The following LAMA2 variants were observed in gnomAD, a reference collection of about 807,000 sequenced individuals.
LAMA2 encodes laminin subunit alpha-2.
In LAMA2, 269 loss-of-function variants were observed where a neutral mutation model predicts 364.8. The observed-to-expected ratio is 0.74, with a 90% CI of 0.67 to 0.82. The LOEUF (loss-of-function observed/expected upper bound fraction) is 0.82. Ranked by LOEUF, LAMA2 falls within the 40% of genes least tolerant of loss-of-function variation. The pLI is 0.00. For missense variants in LAMA2, 3,807 were observed against 3,873.2 expected, an observed-to-expected ratio of 0.98 and a Z score of 0.45; for synonymous variants, 1,379 against 1,370.6, an observed-to-expected ratio of 1.01 and a Z score of -0.14.
At chr6:129,427,885 C>A in intron 41 of LAMA2, 31 bp downstream of exon 41, 1 of 1,327,300 alleles carries the variant, frequency 7.5e-7, no homozygotes, top group African/African-American at 1.4e-5. Context: ...TATTATATTC[C>A]AGTTAATCGG....
intron 40 of LAMA2, among the ~76,000 whole-genome samples, chr6:129,425,557 A>ATT (rs1241998673): frequency 1.3e-5 from 2 of 151,686 alleles, no homozygotes; most frequent in African/African-American, 4.9e-5. Flanking sequence ...CCCAATAGTT[A>ATT]TTTTTCTCTG....
intron 1 of LAMA2, among the ~76,000 whole-genome samples, chr6:128,930,881 G>A (rs1779429752): frequency 6.6e-6 from 1 of 152,008 alleles, no homozygotes. Flanking sequence ...AACACCCACG[G>A]TTTCCCTACG....
chr6:129,067,712 T>C (rs62423274), intron 3 of LAMA2, among the ~76,000 whole-genome samples: 2 of 152,222 alleles, frequency 1.3e-5, no homozygotes, highest in Admixed American at 6.5e-5. Context: ...CTGATCTCTC[T>C]TCCTCAGTTG....
At chr6:129,504,526 G>A (rs1310757198) in intron 60 of LAMA2, among the ~76,000 whole-genome samples, 1 of 152,156 alleles carries the variant, frequency 6.6e-6, no homozygotes. Flanking sequence ...GCATTTCACA[G>A]GCTTTCATGC....
intron 37 of LAMA2, among the ~76,000 whole-genome samples, chr6:129,394,138 C>T (rs568104823): frequency 6.6e-6 from 1 of 152,282 alleles, no homozygotes; most frequent in Non-Finnish European, 1.5e-5. Context: ...CAGCAGCACC[C>T]TGTATGTGAT....
chr6:129,476,351 C>A (rs1337156063), intron 53 of LAMA2, among the ~76,000 whole-genome samples: 1 of 152,086 alleles, frequency 6.6e-6, no homozygotes, highest in East Asian at 1.9e-4. Flanking sequence ...GTTGTAAGAC[C>A]ACTAGTTGTG....
At chr6:128,908,813 C>T (rs555088987) in intron 1 of LAMA2, among the ~76,000 whole-genome samples, 1 of 149,790 alleles carries the variant, frequency 6.7e-6, no homozygotes. Flanking sequence ...TTGAATGTGT[C>T]CCAGAGATTC....
chr6:129,196,393 C>T (rs1257057326), intron 12 of LAMA2, among the ~76,000 whole-genome samples: 1 of 150,248 alleles, frequency 6.7e-6, no homozygotes, highest in Non-Finnish European at 1.5e-5. Context: ...AGAAGCTCAA[C>T]AAATACCTTG....
At chr6:129,129,749 C>T (rs974937132) in intron 4 of LAMA2, among the ~76,000 whole-genome samples, 1 of 151,482 alleles carries the variant, frequency 6.6e-6, no homozygotes, top group African/African-American at 2.4e-5. Context: ...ACGGTGAAAC[C>T]CCGTCTCTAC....
chr6:129,300,643 A>C, intron 21 of LAMA2, 93 bp from the exon 22 acceptor site: 1 of 1,343,100 alleles, frequency 7.4e-7, no homozygotes, highest in Admixed American at 1.7e-5. Flanking sequence ...TGAAAAGAAA[A>C]TAAGACAAAC....
chr6:129,298,799 A>G (rs1773365309), intron 21 of LAMA2, among the ~76,000 whole-genome samples: 1 of 152,048 alleles, frequency 6.6e-6, no homozygotes. Flanking sequence ...TTTACCATAA[A>G]TTAAGCCATG....
intron 41 of LAMA2, chr6:129,436,880 T>C (rs1200173967): frequency 6.6e-6 from 1 of 152,160 alleles, no homozygotes; most frequent in Non-Finnish European, 1.5e-5. Flanking sequence ...TCCTTAAAAA[T>C]ATGGAACACT....
chr6:129,401,324 T>C lies in LAMA2; in HGVS notation c.5546T>C (p.Ile1849Thr), dbSNP rs1314952439. Reference sequence around the variant, plus strand: ...GAAGCCAACCGTCTTGCAGATGAAATCAACTCCATCATAGACGTGAGTATT... The same window carrying C: ...GAAGCCAACCGTCTTGCAGATGAAACCAACTCCATCATAGACGTGAGTATT... ...LDEANRLADE[I>T]NSIIDYVEDI... The change falls in exon 38 of 65, where the codon ATC (isoleucine) becomes ACC (threonine). Residue 1849 changes from isoleucine to threonine, a missense_variant. By Grantham distance (89) the Ile-to-Thr change is moderately conservative. Transcript: ENST00000421865. 1 of 1,591,222 alleles carries C rather than the reference T, an allele frequency of 6.3e-7. No individual in the cohort carries two copies.
At chr6:128,929,131 T>A in intron 1 of LAMA2, 2 of 1,439,178 alleles carry the variant, frequency 1.4e-6, no homozygotes, top group South Asian at 2.3e-5. Flanking sequence ...CCAAAAACTC[T>A]GGATAGGGAT....
rs982959118 is a variant in LAMA2, at chr6:129,512,632, A to G, written c.8988+139A>G. ...GGAGAAAGCTAAATTGTATGTTTTC[A>G]TCCTTCTGGATTACTTCAATTTGTG... On this transcript the variant is annotated intron_variant, in intron 63 of 64. Coordinates refer to ENST00000421865, the MANE Select transcript of LAMA2 (RefSeq NM_000426.4). 13 of 951,522 alleles carry G rather than the reference A, an allele frequency of 1.4e-5. No individual in the cohort carries two copies. The Admixed American group carries it at 1.8e-4, about 13-fold the overall frequency. The allele number at this position is 951,522 out of a possible 1,614,324, so 58.9% of individuals were successfully genotyped here.
chr6:129,386,371 G>A (rs1748404143), intron 35 of LAMA2, among the ~76,000 whole-genome samples: 2 of 150,392 alleles, frequency 1.3e-5, no homozygotes, highest in Non-Finnish European at 3.0e-5. Context: ...ACATAAAACT[G>A]TATGTTTATA....
At chr6:129,258,749 T>C (rs1165294210) in intron 14 of LAMA2, among the ~76,000 whole-genome samples, 1 of 152,056 alleles carries the variant, frequency 6.6e-6, no homozygotes, top group Non-Finnish European at 1.5e-5. Context: ...GTGAATTTCA[T>C]CTAAACTAAT....
intron 2 of LAMA2, among the ~76,000 whole-genome samples, chr6:129,055,175 A>ATTTATTATTATTT (rs879574937): frequency 1.1e-4 from 11 of 95,854 alleles, no homozygotes; most frequent in Admixed American, 2.9e-4. Context: ...CATTATTATT[A>ATTTATTATTATTT]TTTATTATTA....
In LAMA2 at chr6:129,189,715, A is replaced by G. The variant is rs750455867; in HGVS notation, c.1468-490A>G. On this transcript the variant is annotated intron_variant, in intron 10 of 64. Transcript: ENST00000421865. ...CTTGCCTCAAATGTACATATTTTTA[A>G]TCTGAAATGTGAAAAGTATTTATAA... Among the ~76,000 whole-genome samples the G allele has an allele frequency of 4.5e-4, 69 of 152,252 alleles. 2 individuals are homozygous for G. Among genetic ancestry groups the G allele is most frequent in the Admixed American group, 3.5e-3 (53 of 15,288 alleles).
Sources: gnomAD v4.1 joint callset for allele counts (sites outside exome capture counted in the v4.1 genomes callset) on GRCh38, gnomAD v4.1.1 for gene constraint, MANE v1.5 for transcripts, NCBI Gene and HGNC (gene_info 2026-07-23, HGNC 2026-07-21) for gene names.